The following NTM variants were observed in gnomAD, a reference collection of about 807,000 sequenced individuals.
The protein encoded by NTM is IgLON family member 2.
NTM carries 13 observed loss-of-function variants against 42.1 expected under a neutral mutation model. The ratio of observed to expected loss-of-function variants is 0.31; its 90% CI spans 0.20 to 0.49. The LOEUF is 0.49. Ranked by LOEUF, NTM falls within the 20% of genes least tolerant of loss-of-function variation. The pLI, the probability that NTM is intolerant of heterozygous loss-of-function variation, is 0.99. For synonymous variants in NTM, 187 were observed against 179.2 expected, an observed-to-expected ratio of 1.04 and a Z score of -0.35; for missense variants, 373 against 452.8, an observed-to-expected ratio of 0.82 and a Z score of 1.60.
intron 2 of NTM, among the ~76,000 whole-genome samples, chr11:132,087,672 T>C (rs1482871769): frequency 6.6e-6 from 1 of 151,940 alleles, no homozygotes; most frequent in African/African-American, 2.4e-5. Flanking sequence ...TCTAATAAGA[T>C]GCTTTTCAAG....
chr11:131,980,752 T>C (rs1021672871), intron 2 of NTM, among the ~76,000 whole-genome samples: 13 of 152,002 alleles, frequency 8.6e-5, no homozygotes, highest in African/African-American at 3.1e-4. Context: ...CTCAGTGTGG[T>C]GATAGAAAGG....
intron 1 of NTM, among the ~76,000 whole-genome samples, chr11:131,766,357 G>A (rs73039747): frequency 6.6e-6 from 1 of 152,326 alleles, no homozygotes; most frequent in Non-Finnish European, 1.5e-5. Context: ...GGGGCCAGGA[G>A]CTGAGAGTGC....
intron 3 of NTM, among the ~76,000 whole-genome samples, chr11:132,164,224 T>TTTG (rs796158765): frequency 7.4e-4 from 112 of 152,188 alleles, no homozygotes; most frequent in African/African-American, 1.7e-3. Flanking sequence ...TCTGGCTTTG[T>TTTG]TTGTTGTTGT....
At chr11:132,131,033 T>G (rs1306629350) in intron 2 of NTM, among the ~76,000 whole-genome samples, 2 of 152,248 alleles carry the variant, frequency 1.3e-5, no homozygotes, top group Non-Finnish European at 2.9e-5. Context: ...TGCTGTCATG[T>G]GCAAGGAAAG....
intron 1 of NTM, among the ~76,000 whole-genome samples, chr11:131,603,776 C>T (rs923098892): frequency 5.9e-5 from 9 of 152,184 alleles, no homozygotes; most frequent in Non-Finnish European, 4.4e-5. Context: ...TCAATGGACT[C>T]ATATACCATG....
intron 3 of NTM, among the ~76,000 whole-genome samples, chr11:132,159,005 G>A (rs987874127): frequency 6.6e-6 from 1 of 152,232 alleles, no homozygotes; most frequent in African/African-American, 2.4e-5. Flanking sequence ...TCACTGTGGA[G>A]GGGATGGGGA....
chr11:131,922,928 ACTT>A (rs2138272975), intron 2 of NTM, among the ~76,000 whole-genome samples: 1 of 152,252 alleles, frequency 6.6e-6, no homozygotes, highest in South Asian at 2.1e-4. Flanking sequence ...AGAACGCTGA[ACTT>A]CTCTGCTGTT....
At chr11:131,673,947 G>A (rs1187627718) in intron 1 of NTM, among the ~76,000 whole-genome samples, 2 of 152,256 alleles carry the variant, frequency 1.3e-5, no homozygotes, top group Non-Finnish European at 2.9e-5. Context: ...CAAAGAGAAA[G>A]AGGGTAGGGA....
rs71067336 is a variant in NTM, at chr11:131,789,547, AAAGAAGAAG to A, written c.83-121936_83-121928del. Among the ~76,000 whole-genome samples the A allele has an allele frequency of 9.4e-3, 48 of 5,102 alleles. 2 individuals are homozygous for A. The highest frequency in any genetic ancestry group is 0.05 in the Middle Eastern group (1 of 20). 3.3% of individuals were successfully genotyped at this position (5,102 alleles called of 152,430 possible). A position where few individuals can be genotyped will look rare whatever the true frequency, so the allele number is the denominator to read the frequency against. ...AAGAAGAAGAAGAAGAAGAAGAAGA[AAAGAAGAAG>A]AAGAAGAAGAAGAAGAAGAAGAAGA... On this transcript the variant is annotated intron_variant, in intron 1 of 8. Coordinates refer to ENST00000683400, the MANE Select transcript of NTM (RefSeq NM_001352005.2).
chr11:132,230,779 A>T (rs555437450), intron 4 of NTM, among the ~76,000 whole-genome samples: 2 of 152,010 alleles, frequency 1.3e-5, no homozygotes, highest in Non-Finnish European at 2.9e-5. Flanking sequence ...ATCCCAGCAC[A>T]ATAGGAGACT....
chr11:131,627,156 C>G (rs1337025603), intron 1 of NTM, among the ~76,000 whole-genome samples: 1 of 151,902 alleles, frequency 6.6e-6, no homozygotes, highest in Non-Finnish European at 1.5e-5. Context: ...TGCCCTGGCT[C>G]TCCCAGGTGT....
intron 2 of NTM, among the ~76,000 whole-genome samples, chr11:132,104,784 A>G (rs2062084300): frequency 1.3e-5 from 2 of 149,636 alleles, no homozygotes; most frequent in Admixed American, 6.7e-5. Flanking sequence ...ACATGCCTGT[A>G]GTTCCAGCTA....
At chr11:132,028,588 C>A (rs1307489727) in intron 2 of NTM, among the ~76,000 whole-genome samples, 1 of 152,080 alleles carries the variant, frequency 6.6e-6, no homozygotes, top group African/African-American at 2.4e-5. Flanking sequence ...TTCTATAGAG[C>A]CATGAGTAGG....
intron 2 of NTM, among the ~76,000 whole-genome samples, chr11:132,115,946 C>T (rs561241930): frequency 4.6e-5 from 7 of 152,212 alleles, no homozygotes; most frequent in Non-Finnish European, 1.0e-4. Context: ...GGCTCATCCT[C>T]CTCCTTGTAA....
At chr11:132,307,033 A>G (rs2095111913) in intron 4 of NTM, among the ~76,000 whole-genome samples, 1 of 152,190 alleles carries the variant, frequency 6.6e-6, no homozygotes, top group Non-Finnish European at 1.5e-5. Flanking sequence ...AATCTCTGAC[A>G]TGCTTACAAC....
chr11:131,671,227 G>A (rs1592466240), intron 1 of NTM, among the ~76,000 whole-genome samples: 1 of 152,240 alleles, frequency 6.6e-6, no homozygotes, highest in Non-Finnish European at 1.5e-5. Flanking sequence ...TGCCAGGAGG[G>A]AGCCATTCCT....
chr11:132,311,597 T>TTGTACTAAGAAGTAAACTGAG (rs2136107767), intron 6 of NTM, among the ~76,000 whole-genome samples: 1 of 152,326 alleles, frequency 6.6e-6, no homozygotes, highest in East Asian at 1.9e-4. Context: ...GACCTTCTTA[T>TTGTACTAAGAAGTAAACTGAG]TGTACTAAGA....
At position 132,088,095 on chromosome 11, in the gene NTM, C is replaced by T. The variant is rs76035401; in HGVS notation, c.168-58187C>T. Among the ~76,000 whole-genome samples the T allele has an allele frequency of 3.1e-3, 466 of 152,302 alleles. 3 individuals are homozygous for T. The highest frequency in any genetic ancestry group is 0.011 in the African/African-American group (438 of 41,554). On this transcript the variant is annotated intron_variant, in intron 2 of 8. Coordinates refer to ENST00000683400, the MANE Select transcript of NTM (RefSeq NM_001352005.2). ...CACTCACCCGTATATCCCACATGCA[C>T]ACCTGTGGCCATTGGGATGGTGGTG...
At chr11:131,977,157 T>G (rs777397940) in intron 2 of NTM, among the ~76,000 whole-genome samples, 2 of 152,246 alleles carry the variant, frequency 1.3e-5, no homozygotes, top group Non-Finnish European at 2.9e-5. Context: ...TGGATTGATC[T>G]CTGCTACCCC....
Sources: gnomAD v4.1 joint callset for allele counts (sites outside exome capture counted in the v4.1 genomes callset) on GRCh38, gnomAD v4.1.1 for gene constraint, MANE v1.5 for transcripts, NCBI Gene and HGNC (gene_info 2026-07-23, HGNC 2026-07-21) for gene names.